Variants in EGFR observed in about 807,000 individuals in gnomAD.
The protein encoded by EGFR is epidermal growth factor receptor.
Under a neutral mutation model 143.0 loss-of-function variants are expected in EGFR, and 58 were observed. That is an observed-to-expected ratio of 0.41 (90% confidence interval 0.33 to 0.50). The LOEUF is 0.50. Among genes scored for constraint, EGFR ranks in the 20% least tolerant of loss-of-function variants. The pLI is 0.39. For synonymous variants in EGFR, 613 were observed against 594.4 expected, an observed-to-expected ratio of 1.03 and a Z score of -0.45; for missense variants, 1,307 against 1,579.0, an observed-to-expected ratio of 0.83 and a Z score of 2.92.
intron 1 of EGFR, among the ~76,000 whole-genome samples, chr7:55,095,345 A>G (rs970066811): frequency 2.0e-5 from 3 of 152,252 alleles, no homozygotes; most frequent in Admixed American, 6.5e-5. Context: ...TTAAGTGAGG[A>G]GAGTGGCCCA....
At chr7:55,075,357 A>T (rs552480908) in intron 1 of EGFR, among the ~76,000 whole-genome samples, 1 of 152,308 alleles carries the variant, frequency 6.6e-6, no homozygotes, top group South Asian at 2.1e-4. Context: ...TTATTAATTG[A>T]GCTGTGACCA....
At chr7:55,062,689 CTGGG>C (rs1387396528) in intron 1 of EGFR, among the ~76,000 whole-genome samples, 2 of 152,116 alleles carry the variant, frequency 1.3e-5, no homozygotes, top group Non-Finnish European at 2.9e-5. Context: ...GAAGGTGGTC[CTGGG>C]GGCTGTTCTG....
chr7:55,037,073 C>T (rs529840000), intron 1 of EGFR, among the ~76,000 whole-genome samples: 1 of 152,200 alleles, frequency 6.6e-6, no homozygotes, highest in Non-Finnish European at 1.5e-5. Flanking sequence ...CCCAGCTCAC[C>T]GAGCATTCTG....
intron 1 of EGFR, among the ~76,000 whole-genome samples, chr7:55,114,371 A>G (rs140039303): frequency 0.014 from 2,154 of 152,324 alleles, 60 homozygotes; most frequent in African/African-American, 0.049. Context: ...CTGTAGTCCC[A>G]GCTACTCAGG....
At chr7:55,029,335 T>A (rs955009613) in intron 1 of EGFR, among the ~76,000 whole-genome samples, 2 of 152,242 alleles carry the variant, frequency 1.3e-5, no homozygotes, top group South Asian at 2.1e-4. Context: ...TTGATTTTTT[T>A]AATTTCTGGT....
intron 14 of EGFR, among the ~76,000 whole-genome samples, chr7:55,164,236 T>G (rs1216103630): frequency 6.6e-6 from 1 of 152,200 alleles, no homozygotes; most frequent in Non-Finnish European, 1.5e-5. Flanking sequence ...CTGCACAACT[T>G]TGTATCTATA....
intron 1 of EGFR, among the ~76,000 whole-genome samples, chr7:55,039,890 C>T (rs937467014): frequency 1.3e-5 from 2 of 152,126 alleles, no homozygotes; most frequent in Admixed American, 6.6e-5. Context: ...TCCTCTGTGC[C>T]GATACCTTTC....
chr7:55,152,602 A>G lies in EGFR; in HGVS notation c.685A>G (p.Ser229Gly), dbSNP rs1247276424. The G allele has an allele frequency of 6.2e-7, 1 of 1,613,826 alleles. No individual in the cohort carries two copies. The highest frequency in any genetic ancestry group is 8.5e-7 in the Non-Finnish European group (1 of 1,180,030). Residue 229 changes from serine (S) to glycine (G), a missense_variant, in exon 6 of 28, where the codon AGT becomes GGT. Ser to Gly is a moderately conservative substitution (Grantham distance 56). Coordinates refer to ENST00000275493, the MANE Select transcript of EGFR (RefSeq NM_005228.5). Reference sequence around the variant, plus strand: ...CGGGCGCTGCCGTGGCAAGTCCCCCAGTGACTGCTGCCACAACCAGTGTGC... The same window carrying G: ...CGGGCGCTGCCGTGGCAAGTCCCCCGGTGACTGCTGCCACAACCAGTGTGC... ...CSGRCRGKSP[S>G]DCCHNQCAAG...
At chr7:55,155,783 C>G (rs1192858117) in intron 7 of EGFR, 47 bp from the exon 8 acceptor site, 1 of 1,524,726 alleles carries the variant, frequency 6.6e-7, no homozygotes, top group African/African-American at 1.4e-5. Flanking sequence ...GAGGCCCGAG[C>G]ACCTGGTGCC....
chr7:55,181,284 T>A lies in EGFR; in HGVS notation c.2284-9T>A. The stretch of plus-strand genomic sequence containing the variant: ...GAAGCCACACTGACGTGCCTCTCCC[T>A]CCCTCCAGGAAGCCTACGTGATGGC... On this transcript the variant is annotated splice_polypyrimidine_tract_variant and intron_variant, in intron 19 of 27. Transcript: ENST00000275493. The A allele has an allele frequency of 6.2e-7, 1 of 1,613,962 alleles. No individual in the cohort carries two copies. Among genetic ancestry groups the A allele is most frequent in the Non-Finnish European group, 8.5e-7 (1 of 1,180,022 alleles).
rs182735739 is a variant in EGFR at position 55,157,263 on chromosome 7, A to G, written c.1208-400A>G. Among the ~76,000 whole-genome samples, 153 of 152,380 alleles carry G rather than the reference A, an allele frequency of 1.0e-3. 1 individual carries two copies. The highest frequency in any genetic ancestry group is 3.4e-3 in the African/African-American group (141 of 41,596). On this transcript the variant is annotated intron_variant, in intron 10 of 27. Transcript: ENST00000275493. ...CTCTCTAAAATGGGAAGATTAGACCAAAATAACAAGACTGTTTTAAGGTTG... is the reference window on the plus strand; with the variant it reads ...CTCTCTAAAATGGGAAGATTAGACCGAAATAACAAGACTGTTTTAAGGTTG...
intron 10 of EGFR, 69 bp from the exon 11 acceptor site, chr7:55,157,594 G>C: frequency 7.8e-7 from 1 of 1,274,348 alleles, no homozygotes. Flanking sequence ...TGAGAGTCTA[G>C]AGTAATGTCT....
At chr7:55,135,023 G>T (rs1794059470) in intron 1 of EGFR, among the ~76,000 whole-genome samples, 1 of 152,170 alleles carries the variant, frequency 6.6e-6, no homozygotes, top group African/African-American at 2.4e-5. Context: ...GAAGTTTGAT[G>T]ATGTCACTGG....
At chr7:55,019,553 G>C (rs1259819355) in intron 1 of EGFR, among the ~76,000 whole-genome samples, 188 bp downstream of exon 1, 1 of 152,086 alleles carries the variant, frequency 6.6e-6, no homozygotes, top group Admixed American at 6.5e-5. Context: ...TTCTTCGGCC[G>C]GGAGAGTCTG....
chr7:55,060,920 TTTAA>T (rs777100278), intron 1 of EGFR, among the ~76,000 whole-genome samples: 10 of 152,212 alleles, frequency 6.6e-5, no homozygotes, highest in Admixed American at 5.9e-4. Flanking sequence ...AATTATTATT[TTTAA>T]TTGTTACTTG....
At chr7:55,166,222 A>T (rs913258744) in intron 15 of EGFR, 1 of 538,248 alleles carries the variant, frequency 1.9e-6, no homozygotes. Flanking sequence ...TGTGTATCTT[A>T]TTTACTGGAA....
At chr7:55,192,483 C>T (rs1034804784) in intron 21 of EGFR, among the ~76,000 whole-genome samples, 6 of 152,298 alleles carry the variant, frequency 3.9e-5, no homozygotes, top group East Asian at 3.9e-4. Context: ...TGAAAACACA[C>T]GCAGACCTGG....
At chr7:55,201,376 T>G in intron 25 of EGFR, 21 bp downstream of exon 25, 1 of 1,614,102 alleles carries the variant, frequency 6.2e-7, no homozygotes, top group Non-Finnish European at 8.5e-7. Context: ...TCTGTCTCTC[T>G]CTCTCTCTCA....
intron 1 of EGFR, among the ~76,000 whole-genome samples, chr7:55,077,996 G>A (rs946498694): frequency 5.9e-5 from 9 of 152,138 alleles, no homozygotes; most frequent in Non-Finnish European, 1.3e-4. Flanking sequence ...CGTGGGTGTG[G>A]AGGGGGAGGC....
Sources: allele counts gnomAD v4.1 joint callset (sites outside exome capture counted in the v4.1 genomes callset), GRCh38; gene constraint gnomAD v4.1.1; transcripts MANE v1.5; gene names NCBI Gene and HGNC (gene_info 2026-07-23, HGNC 2026-07-21).